Variants in OR14A2 observed in about 807,000 individuals in gnomAD.
OR14A2 encodes olfactory receptor 14A2.
For missense variants in OR14A2, 237 were observed against 152.9 expected (o/e 1.55, Z -2.90); for synonymous variants, 114 against 58.6 (o/e 1.95, Z -4.32).
chr1:247,745,225 A>G, the OR14A2 span, among the ~76,000 whole-genome samples: 1 of 152,178 alleles, frequency 6.6e-6, no homozygotes, highest in Non-Finnish European at 1.5e-5. Context: ...GGTAATTATC[A>G]CCTATGAAAT....
At chr1:247,726,832 C>A (rs1272395666), upstream of OR14A2, among the ~76,000 whole-genome samples, 1 of 116,242 alleles carries the variant, frequency 8.6e-6, no homozygotes, top group Non-Finnish European at 1.7e-5. Context: ...TGTCAAAGAT[C>A]AGATAGTTGT....
the OR14A2 span, chr1:247,739,546 T>TA: frequency 1.3e-6 from 1 of 774,660 alleles, no homozygotes; most frequent in East Asian, 2.4e-5. Flanking sequence ...AGCAGTGGGG[T>TA]AATGAAAAGA....
chr1:247,727,491 C>T (rs1415616495), upstream of OR14A2, among the ~76,000 whole-genome samples: 1 of 151,726 alleles, frequency 6.6e-6, no homozygotes, highest in African/African-American at 2.4e-5. Flanking sequence ...AAATTGACAC[C>T]CTAACATCAC....
At chr1:247,738,609 T>C in the OR14A2 span, 3 of 769,720 alleles carry the variant, frequency 3.9e-6, no homozygotes, top group Non-Finnish European at 7.3e-6. Flanking sequence ...CTTATAATTT[T>C]GAACTATGAC....
At chr1:247,736,987 G>A in the OR14A2 span, among the ~76,000 whole-genome samples, 42 of 152,032 alleles carry the variant, frequency 2.8e-4, 1 homozygote, top group African/African-American at 9.9e-4. Flanking sequence ...AGACATAGAG[G>A]GGTCTCATCT....
At chr1:247,738,772 T>C in the OR14A2 span, 1 of 780,828 alleles carries the variant, frequency 1.3e-6, no homozygotes, top group Non-Finnish European at 2.4e-6. Context: ...GACCATCGTC[T>C]CCACATGGCA....
chr1:247,742,279 C>T, the OR14A2 span, among the ~76,000 whole-genome samples: 12 of 138,822 alleles, frequency 8.6e-5, no homozygotes, highest in South Asian at 1.3e-3. Flanking sequence ...CACACACACA[C>T]GCACACACAC....
At chr1:247,740,735 A>G in the OR14A2 span, among the ~76,000 whole-genome samples, 4 of 152,172 alleles carry the variant, frequency 2.6e-5, no homozygotes, top group Non-Finnish European at 5.9e-5. Context: ...TCGTCGTATC[A>G]CCCTATTTGT....
exon 1 of OR14A2, chr1:247,723,919 A>C: frequency 1.4e-6 from 1 of 717,234 alleles, no homozygotes; most frequent in Non-Finnish European, 2.6e-6. Context: ...AGTAATGATG[A>C]GAAGGTTACT....
chr1:247,734,855 T>C, the OR14A2 span, among the ~76,000 whole-genome samples: 6 of 152,186 alleles, frequency 3.9e-5, no homozygotes, highest in Non-Finnish European at 8.8e-5. Context: ...CTAGGCAGCA[T>C]AGAGGCTGTC....
chr1:247,727,486 G>A (rs1165695117), upstream of OR14A2, among the ~76,000 whole-genome samples: 1 of 151,920 alleles, frequency 6.6e-6, no homozygotes, highest in African/African-American at 2.4e-5. Flanking sequence ...ATCCAAAATT[G>A]ACACCCTAAC....
At chr1:247,727,964 A>G (rs1660419171), upstream of OR14A2, among the ~76,000 whole-genome samples, 1 of 144,404 alleles carries the variant, frequency 6.9e-6, no homozygotes, top group South Asian at 2.2e-4. Context: ...CCAGGACCAG[A>G]TGGATTCACA....
At chr1:247,743,240 C>G in the OR14A2 span, among the ~76,000 whole-genome samples, 14 of 152,134 alleles carry the variant, frequency 9.2e-5, no homozygotes, top group African/African-American at 3.1e-4. Flanking sequence ...ACCAGAGCAC[C>G]CCCTACCCAT....
At chr1:247,738,658 T>G in the OR14A2 span, 1 of 780,536 alleles carries the variant, frequency 1.3e-6, no homozygotes, top group African/African-American at 1.7e-5. Flanking sequence ...CTTGTGAGAT[T>G]TACTGAGAAT....
chr1:247,743,130 C>T, the OR14A2 span, among the ~76,000 whole-genome samples: 1 of 152,208 alleles, frequency 6.6e-6, no homozygotes, highest in South Asian at 2.1e-4. Flanking sequence ...AGTCTAAATA[C>T]AAATTATTTC....
chr1:247,743,902 A>C, the OR14A2 span, among the ~76,000 whole-genome samples: 2 of 152,196 alleles, frequency 1.3e-5, no homozygotes, highest in African/African-American at 4.8e-5. Flanking sequence ...GAAATATTGA[A>C]TATATTCTGC....
the OR14A2 span, among the ~76,000 whole-genome samples, chr1:247,741,023 C>A: frequency 1.3e-5 from 2 of 152,154 alleles, 1 homozygote; most frequent in Non-Finnish European, 2.9e-5. Context: ...ATATTAGCTT[C>A]CTCATGAAAT....
At chr1:247,738,513 A>G in the OR14A2 span, 9 of 640,872 alleles carry the variant, frequency 1.4e-5, no homozygotes, top group Non-Finnish European at 2.5e-5. Context: ...CCTTGATGCT[A>G]CACATACCTT....
the OR14A2 span, among the ~76,000 whole-genome samples, chr1:247,739,990 G>C: frequency 1.3e-5 from 2 of 152,104 alleles, no homozygotes; most frequent in Non-Finnish European, 2.9e-5. Context: ...GGATTACAGC[G>C]TAAGCCACCG....
Sources: allele counts gnomAD v4.1 joint callset (sites outside exome capture counted in the v4.1 genomes callset), GRCh38; gene constraint gnomAD v4.1.1; transcripts MANE v1.5; gene names NCBI Gene and HGNC (gene_info 2026-07-23, HGNC 2026-07-21).